Variants in WIPF3 observed in about 807,000 individuals in gnomAD.
WIPF3 encodes WAS/WASL-interacting protein family member 3.
WIPF3 carries 33 observed loss-of-function variants against 38.9 expected under a neutral mutation model. The observed-to-expected ratio is 0.85, with a 90% CI of 0.64 to 1.14. The LOEUF (loss-of-function observed/expected upper bound fraction) is 1.14. Among genes scored for constraint, WIPF3 ranks in the 50% most tolerant of loss-of-function variants. WIPF3 has a pLI of 0.00. For missense variants in WIPF3, 711 were observed against 652.5 expected (o/e 1.09, Z -0.98); for synonymous variants, 324 against 269.3 (o/e 1.20, Z -1.99).
At chr7:29,847,587 C>T (rs1168995438) in intron 2 of WIPF3, among the ~76,000 whole-genome samples, 1 of 151,448 alleles carries the variant, frequency 6.6e-6, no homozygotes, top group African/African-American at 2.4e-5. Flanking sequence ...AGGGTAGATC[C>T]GATGCTAATA....
At chr7:29,841,109 C>G (rs1784905525) in intron 2 of WIPF3, among the ~76,000 whole-genome samples, 1 of 152,164 alleles carries the variant, frequency 6.6e-6, no homozygotes, top group Admixed American at 6.5e-5. Flanking sequence ...TCTGGTCAAG[C>G]AGAGAGCCTT....
chr7:29,874,325 A>C (rs953388350), intron 2 of WIPF3, among the ~76,000 whole-genome samples: 1 of 152,148 alleles, frequency 6.6e-6, no homozygotes, highest in Admixed American at 6.5e-5. Context: ...AAACAGACAG[A>C]ATATTTTTTC....
intron 1 of WIPF3, among the ~76,000 whole-genome samples, chr7:29,810,365 C>T (rs1425273045): frequency 6.6e-6 from 1 of 152,202 alleles, no homozygotes; most frequent in Non-Finnish European, 1.5e-5. Context: ...GTGTTCATCT[C>T]CATTCCCAGC....
chr7:29,826,807 C>T (rs1018588504), intron 1 of WIPF3, among the ~76,000 whole-genome samples: 6 of 152,236 alleles, frequency 3.9e-5, no homozygotes, highest in South Asian at 2.1e-4. Flanking sequence ...ACAAAAACCA[C>T]GAAAGTCATT....
intron 8 of WIPF3, among the ~76,000 whole-genome samples, chr7:29,909,496 A>G (rs889886234): frequency 3.3e-5 from 5 of 152,242 alleles, no homozygotes; most frequent in Admixed American, 6.5e-5. Context: ...AATAAAAAGG[A>G]TTATAAGAGA....
At chr7:29,865,987 T>G (rs1583609337) in intron 2 of WIPF3, among the ~76,000 whole-genome samples, 2 of 152,136 alleles carry the variant, frequency 1.3e-5, no homozygotes, top group African/African-American at 4.8e-5. Context: ...GGTGAAACCC[T>G]GTCTCTACTA....
Position 29,884,518 on chromosome 7 carries a change from G to GCGCAGGCCTTGCCCGCCC in WIPF3, c.1028_1045dup (p.Gln343_Pro348dup), listed in dbSNP as rs1785826569. The stretch of plus-strand genomic sequence containing the variant: ...CCAGGCCCCACCGCAGAAGGCCGGT[G>GCGCAGGCCTTGCCCGCCC]CGCAGGCCTTGCCCGCCCCGCCTGC... On this transcript the variant is annotated inframe_insertion, in exon 5 of 9. Transcript: ENST00000242140. 1.3e-6 allele frequency: 2 copies of GCGCAGGCCTTGCCCGCCC among 1,582,536 alleles called. No homozygotes were observed. Among genetic ancestry groups the GCGCAGGCCTTGCCCGCCC allele is most frequent in the African/African-American group, 1.3e-5 (1 of 74,080 alleles).
intron 5 of WIPF3, among the ~76,000 whole-genome samples, chr7:29,887,299 A>G (rs1200808483): frequency 6.6e-6 from 1 of 152,234 alleles, no homozygotes; most frequent in Non-Finnish European, 1.5e-5. Context: ...AGATAGTAAT[A>G]ATGTAATTGT....
chr7:29,881,043 C>T (rs1785705114), intron 4 of WIPF3, among the ~76,000 whole-genome samples: 2 of 152,222 alleles, frequency 1.3e-5, no homozygotes, highest in Non-Finnish European at 2.9e-5. Context: ...CCGACTCTCC[C>T]TTGGCCTGAA....
intron 7 of WIPF3, among the ~76,000 whole-genome samples, chr7:29,894,239 G>A (rs1471372817): frequency 6.6e-6 from 1 of 152,120 alleles, no homozygotes; most frequent in Admixed American, 6.6e-5. Context: ...TATGTCCGTG[G>A]TGCTCACTCG....
chr7:29,826,646 T>C lies in WIPF3; in HGVS notation c.-57-8022T>C, dbSNP rs866622945. On this transcript the variant is annotated intron_variant, in intron 1 of 8. Transcript: ENST00000242140. The stretch of plus-strand genomic sequence containing the variant: ...ATTATTACCTTCCATTTATTCTTAG[T>C]ATTACTTTCCATTATTATAAACCAA... Among the ~76,000 whole-genome samples the C allele has an allele frequency of 2.6e-5, 4 of 152,352 alleles. No homozygotes were observed. The South Asian group carries it at 8.3e-4, about 32-fold the overall frequency.
chr7:29,912,176 T>A (rs4719995), intron 8 of WIPF3, among the ~76,000 whole-genome samples: 72,220 of 152,002 alleles, frequency 0.48, 18,745 homozygotes, highest in East Asian at 0.78. Flanking sequence ...TAGGAAAAGT[T>A]GCTCAGCATC....
intron 1 of WIPF3, among the ~76,000 whole-genome samples, chr7:29,833,738 A>G (rs1343262912): frequency 6.6e-6 from 1 of 152,222 alleles, no homozygotes; most frequent in African/African-American, 2.4e-5. Context: ...GGACAGCAGG[A>G]ATACAAAATC....
intron 1 of WIPF3, among the ~76,000 whole-genome samples, chr7:29,807,497 C>T (rs1186885310): frequency 6.6e-6 from 1 of 152,190 alleles, no homozygotes; most frequent in East Asian, 1.9e-4. Flanking sequence ...AGGAGCGCCG[C>T]CCGGGCCCCG....
At chr7:29,824,242 G>C (rs1004575137) in intron 1 of WIPF3, among the ~76,000 whole-genome samples, 1 of 152,224 alleles carries the variant, frequency 6.6e-6, no homozygotes, top group Admixed American at 6.5e-5. Flanking sequence ...TGGTGGGGCA[G>C]AGCTTGCAGT....
chr7:29,854,512 T>C (rs1427269035), intron 2 of WIPF3, among the ~76,000 whole-genome samples: 1 of 152,200 alleles, frequency 6.6e-6, no homozygotes, highest in Non-Finnish European at 1.5e-5. Context: ...TGACACACTC[T>C]GAAAATGCAT....
intron 7 of WIPF3, among the ~76,000 whole-genome samples, chr7:29,894,626 C>T (rs555176975): frequency 6.6e-5 from 10 of 152,134 alleles, no homozygotes; most frequent in Non-Finnish European, 1.5e-4. Flanking sequence ...TTCTTGTTCA[C>T]TGTTGACCTG....
intron 2 of WIPF3, among the ~76,000 whole-genome samples, chr7:29,856,425 C>T (rs553612854): frequency 1.3e-5 from 2 of 152,114 alleles, no homozygotes; most frequent in Admixed American, 6.5e-5. Context: ...CCCAGGAGTT[C>T]GAGAATAGCA....
At chr7:29,826,258 C>T (rs1429817778) in intron 1 of WIPF3, among the ~76,000 whole-genome samples, 1 of 152,184 alleles carries the variant, frequency 6.6e-6, no homozygotes, top group Non-Finnish European at 1.5e-5. Context: ...TGGTGCCTTT[C>T]TTACAGCCTT....
Sources: gnomAD v4.1 joint callset for allele counts (sites outside exome capture counted in the v4.1 genomes callset) on GRCh38, gnomAD v4.1.1 for gene constraint, MANE v1.5 for transcripts, NCBI Gene and HGNC (gene_info 2026-07-23, HGNC 2026-07-21) for gene names.